Variants in SMARCAL1 observed in about 807,000 individuals in gnomAD.
SMARCAL1 encodes ATP-driven annealing helicase.
In SMARCAL1, 58 loss-of-function variants were observed where a neutral mutation model predicts 94.5. That is an observed-to-expected ratio of 0.61 (90% confidence interval 0.50 to 0.76). The LOEUF (loss-of-function observed/expected upper bound fraction) is 0.76, where lower values mean the gene tolerates loss of function less well. Ranked by LOEUF, SMARCAL1 falls within the 30% of genes least tolerant of loss-of-function variation. The probability of loss-of-function intolerance (pLI) is 0.00; values close to 1 mark genes in which losing one functional copy is unlikely to be tolerated. For missense variants in SMARCAL1, 1,051 were observed against 1,177.9 expected, an observed-to-expected ratio of 0.89 and a Z score of 1.58; for synonymous variants, 422 against 455.1, an observed-to-expected ratio of 0.93 and a Z score of 0.93.
rs376295895 is a variant in SMARCAL1 at position 216,415,152 on chromosome 2, G to T, written c.448G>T (p.Ala150Ser). 7.1e-5 allele frequency: 114 copies of T among 1,612,596 alleles called. 1 individual carries two copies. The South Asian group carries it at 7.4e-4, about 10-fold the overall frequency. ...TGAGTTAGGTCAAGGTCATGCTCAGGCTTCACCTGAGATCAGGTTCACACC... is the reference window on the plus strand; with the variant it reads ...TGAGTTAGGTCAAGGTCATGCTCAGTCTTCACCTGAGATCAGGTTCACACC... ...SYELGQGHAQ[A>S]SPEIRFTPFA... is the part of the protein sequence containing the mutation. Residue 150 changes from alanine to serine, a missense_variant, in exon 3 of 18, where the codon GCT (alanine) becomes TCT (serine). Physicochemically the swap from Ala to Ser is moderately conservative, Grantham distance 99 (BLOSUM62 1). Coordinates refer to ENST00000357276, the MANE Select transcript of SMARCAL1 (RefSeq NM_014140.4).
At chr2:216,447,552 AG>A (rs1179136578) in intron 11 of SMARCAL1, among the ~76,000 whole-genome samples, 2 of 151,896 alleles carry the variant, frequency 1.3e-5, no homozygotes, top group Non-Finnish European at 2.9e-5. Context: ...GCTGGCACTG[AG>A]GTGAGCTAGG....
chr2:216,478,185 C>G lies in SMARCAL1; in HGVS notation c.2529-18C>G. 1 of 1,607,974 alleles carries G rather than the reference C, an allele frequency of 6.2e-7. No homozygotes were observed. Among genetic ancestry groups the G allele is most frequent in the Non-Finnish European group, 8.5e-7 (1 of 1,174,390 alleles). On this transcript the variant is annotated intron_variant, in intron 16 of 17. Transcript: ENST00000357276. Reference sequence around the variant, plus strand: ...TCTGTGCAGGTTGTATTCACTGCAGCTCATTTCTCCCCAACAGGCCCCTGA... The same window carrying G: ...TCTGTGCAGGTTGTATTCACTGCAGGTCATTTCTCCCCAACAGGCCCCTGA...
chr2:216,475,526 G>T lies in SMARCAL1; in HGVS notation c.2427+75G>T. ...GGGCAGGAAGCAGTGAGTGTCGGTC[G>T]GGGAAAGTGTGGTTTCCCTTTTATC... On this transcript the variant is annotated intron_variant, in intron 15 of 17. Transcript: ENST00000357276. The surrounding 1 kb of genome is among the most constrained non-coding windows in gnomAD (Gnocchi z 4.4). 3 of 1,489,882 alleles carry T rather than the reference G, an allele frequency of 2.0e-6. No individual in the cohort carries two copies. The South Asian group carries it at 3.4e-5, about 17-fold the overall frequency. 92.3% of individuals were successfully genotyped at this position (1,489,882 alleles called of 1,614,324 possible).
chr2:216,463,213 G>C (rs569941116), intron 12 of SMARCAL1, among the ~76,000 whole-genome samples: 38 of 152,302 alleles, frequency 2.5e-4, no homozygotes, highest in African/African-American at 8.2e-4. Context: ...GCACAAGAAG[G>C]GGGGTGCACC....
At chr2:216,436,132 C>T (rs1336428014) in intron 9 of SMARCAL1, among the ~76,000 whole-genome samples, 4 of 152,172 alleles carry the variant, frequency 2.6e-5, no homozygotes, top group African/African-American at 7.2e-5. Context: ...CCACGCCCAG[C>T]TAAGTTTTGT....
chr2:216,428,512 AAT>A, intron 6 of SMARCAL1, 82 bp from the exon 7 acceptor site: 1 of 1,345,442 alleles, frequency 7.4e-7, no homozygotes, highest in Non-Finnish European at 1.1e-6. Flanking sequence ...ACTGGAAGGA[AAT>A]ATATATATCC....
chr2:216,444,619 A>G (rs1384384254), intron 10 of SMARCAL1, among the ~76,000 whole-genome samples: 1 of 152,130 alleles, frequency 6.6e-6, no homozygotes, highest in African/African-American at 2.4e-5. Flanking sequence ...TCCCCTGTTC[A>G]AGTGATTCCC....
At chr2:216,456,959 G>A (rs1694580385) in intron 12 of SMARCAL1, among the ~76,000 whole-genome samples, 1 of 152,170 alleles carries the variant, frequency 6.6e-6, no homozygotes. Flanking sequence ...CATCTCATGT[G>A]CAGAGACACA....
intron 12 of SMARCAL1, among the ~76,000 whole-genome samples, chr2:216,459,386 A>C (rs1180683967): frequency 6.6e-6 from 1 of 152,222 alleles, no homozygotes; most frequent in Admixed American, 6.5e-5. Flanking sequence ...AGTCAATCCT[A>C]AGCCAAAAGA....
intron 5 of SMARCAL1, among the ~76,000 whole-genome samples, chr2:216,422,475 C>G (rs968765680): frequency 2.0e-5 from 3 of 152,242 alleles, no homozygotes; most frequent in Non-Finnish European, 4.4e-5. Context: ...GGTATGGATA[C>G]TGATCCTGCT....
At chr2:216,440,075 C>T (rs1344601428) in intron 10 of SMARCAL1, among the ~76,000 whole-genome samples, 1 of 151,682 alleles carries the variant, frequency 6.6e-6, no homozygotes, top group African/African-American at 2.4e-5. Flanking sequence ...GCTTGATTCT[C>T]TGCCAGTATT....
intron 4 of SMARCAL1, 67 bp from the exon 5 acceptor site, chr2:216,420,232 C>A: frequency 7.7e-7 from 1 of 1,305,048 alleles, no homozygotes; most frequent in South Asian, 1.2e-5. Flanking sequence ...CTTCCCTTGC[C>A]TGTATTTCAA....
rs1045429865 is a variant in SMARCAL1, at chr2:216,432,883, A to G, written c.1485+15A>G. The G allele has an allele frequency of 6.2e-7, 1 of 1,614,078 alleles. No homozygotes were observed. The highest frequency in any genetic ancestry group is 1.3e-5 in the African/African-American group (1 of 74,924). ...CCTGGGAGCAGGTTAATGGTCTTCA[A>G]ATTGCAGTTTTCACAGAGAAGGTTT... On this transcript the variant is annotated intron_variant, in intron 8 of 17. Coordinates refer to ENST00000357276, the MANE Select transcript of SMARCAL1 (RefSeq NM_014140.4).
Position 216,423,646 on chromosome 2 carries a change from G to T in SMARCAL1, c.1110G>T (p.Arg370Ser), listed in dbSNP as rs779169942. 1 of 1,614,014 alleles carries T rather than the reference G, an allele frequency of 6.2e-7. No homozygotes were observed. The highest frequency in any genetic ancestry group is 8.5e-7 in the Non-Finnish European group (1 of 1,179,862). ...TTGTCATTGCAGATGTCAAGACCAG[G>T]AAGTGGAGCTTTCTCTTGGAAGAGC... ...MDSRRYDVKTRKWSFLLEEHS... is the reference protein window; with the variant it reads ...MDSRRYDVKTSKWSFLLEEHS... Residue 370 changes from arginine (R) to serine (S), a missense_variant, in exon 6 of 18, where the codon AGG becomes AGT. By Grantham distance (110) the Arg-to-Ser change is moderately radical. Transcript: ENST00000357276.
chr2:216,416,171 CTTCA>C, intron 3 of SMARCAL1, 82 bp from the exon 4 acceptor site: 1 of 1,169,190 alleles, frequency 8.6e-7, no homozygotes, highest in Non-Finnish European at 1.3e-6. Flanking sequence ...ACTTGGCGTC[CTTCA>C]TTCATTCATT....
chr2:216,446,330 A>G (rs371112783), intron 10 of SMARCAL1, among the ~76,000 whole-genome samples: 2 of 152,218 alleles, frequency 1.3e-5, no homozygotes, highest in African/African-American at 4.8e-5. Flanking sequence ...TCACCTATTA[A>G]GGTTCTTATT....
At chr2:216,480,940 G>A (rs1021200395) in intron 17 of SMARCAL1, among the ~76,000 whole-genome samples, 3 of 152,140 alleles carry the variant, frequency 2.0e-5, no homozygotes, top group African/African-American at 7.2e-5. Context: ...CCTGAGGCAG[G>A]AAGCGCAGTT....
rs367780809 is a variant in SMARCAL1, at chr2:216,452,219, A to G, written c.2070+1155A>G. Among the ~76,000 whole-genome samples the G allele has an allele frequency of 1.8e-4, 28 of 152,332 alleles. No homozygotes were observed. In the East Asian group the frequency reaches 3.5e-3, roughly 19 times the overall value. ...GACCAGTGTTCTCAGATTATATTTC[A>G]GTGGAATCATGAGTAAAACCAGGAA... On this transcript the variant is annotated intron_variant, in intron 12 of 17. Transcript: ENST00000357276.
intron 12 of SMARCAL1, among the ~76,000 whole-genome samples, chr2:216,455,893 G>A (rs111629368): frequency 0.1 from 15,202 of 152,184 alleles, 906 homozygotes; most frequent in South Asian, 0.19. Context: ...CAGATGATCA[G>A]ATTTCTCTGA....
Sources: gnomAD v4.1 joint callset for allele counts (sites outside exome capture counted in the v4.1 genomes callset) on GRCh38, gnomAD v4.1.1 for gene constraint, Gnocchi (gnomAD v3.1) non-coding constraint, MANE v1.5 for transcripts, NCBI Gene and HGNC (gene_info 2026-07-23, HGNC 2026-07-21) for gene names.